USP9X: variants seen among roughly 807,000 people sequenced by gnomAD.
USP9X encodes the protein ubiquitin specific peptidase 9 X-linked.
A neutral mutation model predicts 190.3 loss-of-function variants in USP9X; 7 were observed. That is an observed-to-expected ratio of 0.04 (90% confidence interval 0.02 to 0.07). USP9X has a LOEUF of 0.07. USP9X is among the 10% of genes least tolerant of loss of function. USP9X has a pLI of 1.00. For synonymous variants in USP9X, 645 were observed against 659.5 expected, an observed-to-expected ratio of 0.98 and a Z score of 0.34; for missense variants, 1,010 against 1,916.9, an observed-to-expected ratio of 0.53 and a Z score of 8.83.
At position 41,235,803 on chromosome X, in the gene USP9X, T is replaced by G. The variant is rs1209564784; in HGVS notation, c.*3279T>G. 8.9e-6 allele frequency: 1 copy of G among 112,316 alleles called. No homozygotes were observed. The highest frequency in any genetic ancestry group is 1.9e-5 in the Non-Finnish European group (1 of 53,214). The allele number at this position is 112,316 out of a possible 1,213,427, so 9.3% of individuals were successfully genotyped here. ...ATTTAGAATTAAAATGTTTTCTATT[T>G]TTTTCATGATTAACTTAGTGAATAA... On this transcript the variant is annotated 3_prime_UTR_variant, in exon 45 of 45. Coordinates refer to ENST00000378308, the MANE Select transcript of USP9X (RefSeq NM_001039591.3).
At chrX:41,102,179 T>TA (rs2062039004) in intron 1 of USP9X, among the ~76,000 whole-genome samples, 1 of 112,201 alleles carries the variant, frequency 8.9e-6, no homozygotes, top group Non-Finnish European at 1.9e-5. Context: ...TTAAAAAACT[T>TA]AAATATAATT....
rs370045225 is a variant in USP9X at position 41,170,092 on chromosome X, A to G, written c.2734A>G (p.Ile912Val). The change falls in exon 19 of 45, where the codon ATT (isoleucine) becomes GTT (valine). Residue 912 changes from isoleucine (I) to valine (V), a missense_variant. Coordinates refer to ENST00000378308, the MANE Select transcript of USP9X (RefSeq NM_001039591.3). ...LEVWSHTNDTIGSVRRCILNR... is the reference protein window; with the variant it reads ...LEVWSHTNDTVGSVRRCILNR... Reference sequence around the variant, plus strand: ...GGTATGGTCTCATACAAATGATACAATTGGTTCAGTACGACGATGTATTCT... The same window carrying G: ...GGTATGGTCTCATACAAATGATACAGTTGGTTCAGTACGACGATGTATTCT... The G allele has an allele frequency of 4.1e-6, 5 of 1,211,751 alleles. No homozygotes were observed. Among genetic ancestry groups the G allele is most frequent in the Admixed American group, 2.2e-5 (1 of 46,023 alleles).
chrX:41,217,804 C>T (rs1273329673), intron 36 of USP9X, among the ~76,000 whole-genome samples: 1 of 111,333 alleles, frequency 9.0e-6, no homozygotes. Context: ...GTGGGAGGAT[C>T]GCTGGAGCCT....
rs2062543410 is a variant in USP9X, at chrX:41,152,974, T to A, written c.1790T>A (p.Phe597Tyr). The change falls in exon 14 of 45, where the codon TTT becomes TAT. Residue 597 changes from phenylalanine (F) to tyrosine (Y), a missense_variant. By Grantham distance (22) the Phe-to-Tyr change is conservative. This residue lies in a region of USP9X where 104 missense variants were observed against 239.8 expected (regional missense o/e 0.43). Coordinates refer to ENST00000378308, the MANE Select transcript of USP9X (RefSeq NM_001039591.3). ...LSQTQRSPHV[F>Y]YRHDLINQLQ... is the part of the protein sequence containing the mutation. ...CAAACTCAGCGAAGTCCCCATGTGT[T>A]TTATCGCCATGACTTAATCAATCAA... 4.1e-6 allele frequency: 5 copies of A among 1,209,805 alleles called. No homozygotes were observed. Among genetic ancestry groups the A allele is most frequent in the Non-Finnish European group, 5.6e-6 (5 of 894,643 alleles).
intron 24 of USP9X, among the ~76,000 whole-genome samples, chrX:41,187,725 G>A (rs1417131561): frequency 1.8e-5 from 2 of 111,252 alleles, no homozygotes; most frequent in Admixed American, 9.5e-5. Context: ...GGAGCATGAG[G>A]TAGGAGGATC....
intron 1 of USP9X, among the ~76,000 whole-genome samples, chrX:41,097,917 A>ATGTT (rs2062004212): frequency 8.9e-6 from 1 of 111,740 alleles, no homozygotes; most frequent in Non-Finnish European, 1.9e-5. Context: ...AGAAGATGTG[A>ATGTT]TGTTATCTTT....
chrX:41,171,965 A>T lies in USP9X; in HGVS notation c.3148+7A>T. The T allele has an allele frequency of 2.5e-6, 3 of 1,209,143 alleles. No homozygotes were observed. The highest frequency in any genetic ancestry group is 3.4e-6 in the Non-Finnish European group (3 of 894,604). ...ATGAAACTTATGCCGCCAGGTAAGA[A>T]TTTTTAAATGATGATCAAGTACTTG... On this transcript the variant is annotated splice_region_variant and intron_variant, in intron 21 of 44. Coordinates refer to ENST00000378308, the MANE Select transcript of USP9X (RefSeq NM_001039591.3).
At chrX:41,099,160 T>C (rs1468762824) in intron 1 of USP9X, among the ~76,000 whole-genome samples, 1 of 90,606 alleles carries the variant, frequency 1.1e-5, no homozygotes, top group Non-Finnish European at 2.1e-5. Flanking sequence ...CTCAGGCTGG[T>C]CTCGAGCTCC....
Position 41,152,941 on chromosome X carries a change from G to C in USP9X, c.1764-7G>C, listed in dbSNP as rs374478105. 14 of 1,205,206 alleles carry C rather than the reference G, an allele frequency of 1.2e-5. No homozygotes were observed. The highest frequency in any genetic ancestry group is 3.0e-5 in the East Asian group (1 of 33,592). ...CTAATTATATTGTTAAGTTCTTCTC[G>C]TTTCAGTCAAACTCAGCGAAGTCCC... On this transcript the variant is annotated splice_region_variant and splice_polypyrimidine_tract_variant and intron_variant, in intron 13 of 44. Transcript: ENST00000378308.
intron 22 of USP9X, 53 bp downstream of exon 22, chrX:41,184,181 A>G: frequency 8.8e-7 from 1 of 1,137,454 alleles, no homozygotes; most frequent in South Asian, 2.1e-5. Flanking sequence ...TTCCTTTTAA[A>G]TTTATTCTGT....
chrX:41,096,059 C>A (rs2061988752), intron 1 of USP9X, among the ~76,000 whole-genome samples: 1 of 112,143 alleles, frequency 8.9e-6, no homozygotes, highest in African/African-American at 3.2e-5. Flanking sequence ...CCTCCAATTC[C>A]CTTTCCTCAC....
chrX:41,143,520 T>C, intron 10 of USP9X, 77 bp downstream of exon 10: 1 of 915,207 alleles, frequency 1.1e-6, no homozygotes. Context: ...GTAGCTGTCA[T>C]GAAATGGATG....
At chrX:41,229,949 C>A in intron 43 of USP9X, 170 bp downstream of exon 43, 1 of 915,395 alleles carries the variant, frequency 1.1e-6, no homozygotes, top group Non-Finnish European at 1.5e-6. Flanking sequence ...GCCTGTAATC[C>A]CAACACTTTG....
rs7051021 is a variant in USP9X, at chrX:41,214,477, A to T, written c.5190-91A>T. On this transcript the variant is annotated intron_variant, in intron 33 of 44. Coordinates refer to ENST00000378308, the MANE Select transcript of USP9X (RefSeq NM_001039591.3). ...TACCCTAGAACTTAAAGTATAATTTAAAAAAAAAAGGCAAATGTAGTTTAC... is the reference window on the plus strand; with the variant it reads ...TACCCTAGAACTTAAAGTATAATTTTAAAAAAAAAGGCAAATGTAGTTTAC... 0.16 allele frequency: 100,631 copies of T among 646,054 alleles called. 4,764 individuals carry two copies. The highest frequency in any genetic ancestry group is 0.3 in the East Asian group (6,185 of 20,290). 53.2% of individuals were successfully genotyped at this position (646,054 alleles called of 1,213,427 possible).
intron 14 of USP9X, among the ~76,000 whole-genome samples, chrX:41,154,779 C>A (rs2062562009): frequency 9.0e-6 from 1 of 111,175 alleles, no homozygotes; most frequent in African/African-American, 3.3e-5. Flanking sequence ...TAGTAAATTC[C>A]CCTCTGAATT....
At chrX:41,183,948 T>C in intron 21 of USP9X, 50 bp from the exon 22 acceptor site, 1 of 1,166,721 alleles carries the variant, frequency 8.6e-7, no homozygotes. Context: ...AAGTTAAATA[T>C]GTATGAACAC....
chrX:41,223,184 C>T lies in USP9X; in HGVS notation c.6566-33C>T, dbSNP rs752230742. ...TTTTTCCTCATATTTTTCTCCCTCT[C>T]TTTCTTCTCCCCTTCACTCCTTTTT... On this transcript the variant is annotated intron_variant, in intron 38 of 44. Coordinates refer to ENST00000378308, the MANE Select transcript of USP9X (RefSeq NM_001039591.3). The T allele has an allele frequency of 1.7e-5, 20 of 1,183,002 alleles. No individual in the cohort carries two copies. In the South Asian group the frequency reaches 3.4e-4, roughly 20 times the overall value.
At chrX:41,190,445 T>C (rs1489188085) in intron 26 of USP9X, among the ~76,000 whole-genome samples, 2 of 110,951 alleles carry the variant, frequency 1.8e-5, no homozygotes, top group African/African-American at 6.6e-5. Context: ...ATTCAGAAAC[T>C]CTTAACAGGA....
intron 1 of USP9X, among the ~76,000 whole-genome samples, chrX:41,086,339 A>G (rs2061910803): frequency 9.0e-6 from 1 of 110,766 alleles, no homozygotes; most frequent in South Asian, 3.8e-4. Context: ...TGTGTTTTGG[A>G]CTGTAAGGGA....
Sources: gnomAD v4.1 joint callset for allele counts (sites outside exome capture counted in the v4.1 genomes callset) on GRCh38, gnomAD v4.1.1 for gene constraint, gnomAD v4.1.1 regional missense constraint, MANE v1.5 for transcripts, NCBI Gene and HGNC (gene_info 2026-07-23, HGNC 2026-07-21) for gene names.